Variants in PDXDC1 observed in about 807,000 individuals in gnomAD.
PDXDC1 encodes the protein pyridoxal-dependent decarboxylase domain-containing protein 1.
PDXDC1 carries 42 observed loss-of-function variants against 100.1 expected under a neutral mutation model. The ratio of observed to expected loss-of-function variants is 0.42; its 90% CI spans 0.33 to 0.54. PDXDC1 has a LOEUF of 0.54. Among genes scored for constraint, PDXDC1 ranks in the 20% least tolerant of loss-of-function variants. PDXDC1 has a pLI of 0.10. For synonymous variants in PDXDC1, 260 were observed against 371.7 expected, an observed-to-expected ratio of 0.70 and a Z score of 3.46; for missense variants, 636 against 979.2, an observed-to-expected ratio of 0.65 and a Z score of 4.68.
chr16:15,133,926 C>A, intron 16 of PDXDC1: 1 of 1,454,926 alleles, frequency 6.9e-7, no homozygotes, highest in Non-Finnish European at 9.4e-7. Flanking sequence ...CTCGCCAGAG[C>A]GGCCCAGCAC....
chr16:14,989,674 C>A (rs62038549), intron 1 of PDXDC1: 390,909 of 1,497,130 alleles, frequency 0.26, 19,266 homozygotes, highest in East Asian at 0.5. Flanking sequence ...GCCACGGGGC[C>A]AGGACCTGGG....
At position 15,029,152 on chromosome 16, in the gene PDXDC1, C is replaced by G. The variant is rs934753349; in HGVS notation, c.1293+186C>G. 48 of 684,142 alleles carry G rather than the reference C, an allele frequency of 7.0e-5. No homozygotes were observed. In the Admixed American group the frequency reaches 1.0e-3, roughly 15 times the overall value. 42.4% of individuals were successfully genotyped at this position (684,142 alleles called of 1,614,324 possible). On this transcript the variant is annotated intron_variant, in intron 15 of 22. Coordinates refer to ENST00000396410, the MANE Select transcript of PDXDC1 (RefSeq NM_015027.4). Reference sequence around the variant, plus strand: ...TACCACCTCACGAGCTGGGTCACCTCTGGCAAGTCCTTCTGGCATTGCTCC... The same window carrying G: ...TACCACCTCACGAGCTGGGTCACCTGTGGCAAGTCCTTCTGGCATTGCTCC...
At chr16:15,123,317 T>C (rs1488586576) in intron 16 of PDXDC1, 51 of 1,367,804 alleles carry the variant, frequency 3.7e-5, no homozygotes, top group Admixed American at 3.5e-4. Context: ...CCCAACCAGC[T>C]CCCTGTCCCT....
chr16:15,041,695 G>T, downstream of PDXDC1: 5 of 1,590,658 alleles, frequency 3.1e-6, no homozygotes, highest in South Asian at 5.5e-5. Context: ...AGAATTTTAA[G>T]ACCAGAAGTC....
chr16:15,129,400 C>T (rs984389101), intron 16 of PDXDC1, among the ~76,000 whole-genome samples: 41 of 152,156 alleles, frequency 2.7e-4, no homozygotes, highest in East Asian at 3.9e-4. Flanking sequence ...GATCACGCCA[C>T]TGCACTCCAG....
intron 16 of PDXDC1, among the ~76,000 whole-genome samples, chr16:15,062,381 A>C (rs1482197263): frequency 6.6e-6 from 1 of 152,210 alleles, no homozygotes; most frequent in Non-Finnish European, 1.5e-5. Context: ...ATGAAACATA[A>C]AGAAAAAGAT....
chr16:15,029,971 G>C lies in PDXDC1; in HGVS notation c.1314G>C (p.Gln438His), dbSNP rs1309565297. ...LNRWLGEQLK[Q>H]LVPASGLTVM... ...CACAGCTGGGAGAACAGCTGAAGCA[G>C]CTGGTGCCTGCAAGCGGCCTCACAG... The change falls in exon 16 of 23, where the codon CAG becomes CAC. Residue 438 changes from glutamine to histidine, a missense_variant. Physicochemically the swap from Gln to His is conservative, Grantham distance 24. Around this residue, in one of 4 missense-constraint regions of PDXDC1, gnomAD observed 15 missense variants for 49.6 expected, o/e 0.30. Transcript: ENST00000396410. The C allele has an allele frequency of 6.4e-7, 1 of 1,554,228 alleles. No homozygotes were observed. The highest frequency in any genetic ancestry group is 2.4e-5 in the East Asian group (1 of 41,126).
chr16:14,986,406 T>G (rs1171426236), intron 1 of PDXDC1, among the ~76,000 whole-genome samples: 2 of 152,238 alleles, frequency 1.3e-5, no homozygotes, highest in Non-Finnish European at 2.9e-5. Flanking sequence ...GAGGCGGAGG[T>G]TGCAGTGAGC....
chr16:15,040,289 G>C (rs928814990), downstream of PDXDC1: 3 of 419,288 alleles, frequency 7.2e-6, no homozygotes, highest in East Asian at 7.4e-5. Flanking sequence ...GTGAGATTTT[G>C]TTCTAAACCA....
At chr16:14,981,288 G>C (rs551713301) in intron 1 of PDXDC1, among the ~76,000 whole-genome samples, 79 of 152,392 alleles carry the variant, frequency 5.2e-4, no homozygotes, top group African/African-American at 1.9e-3. Context: ...TTTCCGATTT[G>C]ATCGCTCCCT....
chr16:15,035,400 AGG>A, intron 21 of PDXDC1, 47 bp from the exon 22 acceptor site: 2 of 1,124,096 alleles, frequency 1.8e-6, no homozygotes, highest in Non-Finnish European at 2.6e-6. Flanking sequence ...GGTGTCTTCA[AGG>A]GCAGCCTGTG....
intron 12 of PDXDC1, 45 bp downstream of exon 12, chr16:15,019,010 G>A (rs369884592): frequency 3.4e-4 from 542 of 1,595,746 alleles, no homozygotes; most frequent in Non-Finnish European, 4.2e-4. Context: ...CTTGGCCACA[G>A]CAGAGACAGA....
At chr16:15,097,940 T>A (rs2046415225) in intron 16 of PDXDC1, among the ~76,000 whole-genome samples, 1 of 136,406 alleles carries the variant, frequency 7.3e-6, no homozygotes, top group African/African-American at 2.7e-5. Context: ...ACATTATGCT[T>A]TTTTTTTTTT....
rs758223214 is a variant in PDXDC1, at chr16:15,047,906, G to T, written c.1399+17850G>T. 40 of 1,613,386 alleles carry T rather than the reference G, an allele frequency of 2.5e-5. No individual in the cohort carries two copies. Among genetic ancestry groups the T allele is most frequent in the South Asian group, 1.1e-5 (1 of 91,086 alleles). On this transcript the variant is annotated intron_variant, in intron 16 of 16. Coordinates refer to the PDXDC1 transcript ENST00000535621. ...CAAGTAGTGGCATCATCAGAACCCA[G>T]AATGGAGATGGAGCCTGTTTAAAAA...
downstream of PDXDC1, among the ~76,000 whole-genome samples, chr16:15,139,615 T>C (rs1482529305): frequency 3.3e-5 from 5 of 149,904 alleles, no homozygotes; most frequent in Non-Finnish European, 7.4e-5. Context: ...ACCCCATCTC[T>C]ACAAGGAAAA....
At chr16:15,133,361 T>C (rs2048200204) in intron 16 of PDXDC1, 3 of 1,077,370 alleles carry the variant, frequency 2.8e-6, no homozygotes, top group Non-Finnish European at 4.2e-6. Flanking sequence ...GGTGAGCCCG[T>C]GCAGCCAGAC....
chr16:15,014,779 TA>T (rs1220457579), intron 8 of PDXDC1, among the ~76,000 whole-genome samples: 1 of 152,292 alleles, frequency 6.6e-6, no homozygotes, highest in Non-Finnish European at 1.5e-5. Context: ...ACGTTTTAAC[TA>T]AGCTCTCTCT....
intron 16 of PDXDC1, among the ~76,000 whole-genome samples, chr16:15,077,099 C>T (rs1214878463): frequency 2.0e-5 from 3 of 151,860 alleles, no homozygotes; most frequent in African/African-American, 4.8e-5. Flanking sequence ...CCTGCCTCAG[C>T]CTCCCGAGTA....
chr16:15,029,411 G>A (rs2042885370), intron 15 of PDXDC1: 1 of 410,920 alleles, frequency 2.4e-6, no homozygotes, highest in Non-Finnish European at 4.2e-6. Flanking sequence ...AGTGTGGGAT[G>A]GCGGCAGCAG....
Sources: gnomAD v4.1 joint callset for allele counts (sites outside exome capture counted in the v4.1 genomes callset) on GRCh38, gnomAD v4.1.1 for gene constraint, gnomAD v4.1.1 regional missense constraint, MANE v1.5 for transcripts, NCBI Gene and HGNC (gene_info 2026-07-23, HGNC 2026-07-21) for gene names.